SPRED1: variants seen among roughly 807,000 people sequenced by gnomAD.
SPRED1 encodes sprouty related EVH1 domain containing 1.
In SPRED1, 18 loss-of-function variants were observed where a neutral mutation model predicts 52.3. The ratio of observed to expected loss-of-function variants is 0.34; its 90% confidence interval spans 0.24 to 0.51. The LOEUF (loss-of-function observed/expected upper bound fraction) is 0.51, where lower values mean the gene tolerates loss of function less well. Ranked by LOEUF, SPRED1 falls within the 20% of genes least tolerant of loss-of-function variation. The pLI is 0.97. For synonymous variants in SPRED1, 155 were observed against 179.7 expected, an observed-to-expected ratio of 0.86 and a Z score of 1.10; for missense variants, 485 against 551.0, an observed-to-expected ratio of 0.88 and a Z score of 1.20.
chr15:38,344,672 C>T lies in SPRED1; in HGVS notation c.583-4750C>T, dbSNP rs796958328. Among the ~76,000 whole-genome samples the T allele has an allele frequency of 3.1e-4, 47 of 152,164 alleles. 2 individuals are homozygous for T. The highest frequency in any genetic ancestry group is 1.1e-3 in the African/African-American group (46 of 41,540). On this transcript the variant is annotated intron_variant, in intron 5 of 6. Transcript: ENST00000299084. ...TAGGTTCTTTGTAGCTTAGTATCCT[C>T]ATCTGTAAATTGGAATAATATCGGT...
At position 38,351,188 on chromosome 15, in the gene SPRED1, A is replaced by G; in HGVS notation, c.859A>G (p.Ser287Gly). Residue 287 changes from serine to glycine, a missense_variant, in exon 7 of 7, where the codon AGT (serine) becomes GGT (glycine). Around this residue, in one of 5 missense-constraint regions of SPRED1, gnomAD observed 205 missense variants for 245.2 expected, o/e 0.84. Coordinates refer to ENST00000299084, the MANE Select transcript of SPRED1 (RefSeq NM_152594.3). ...DSSIQFSKPD[S>G]KKSDYLYSCG... ...CAGTATTCAGTTTTCTAAACCAGAC[A>G]GTAAAAAATCAGACTATCTGTACTC... 1.9e-6 allele frequency: 3 copies of G among 1,614,188 alleles called. No individual in the cohort carries two copies. Among genetic ancestry groups the G allele is most frequent in the South Asian group, 2.2e-5 (2 of 91,090 alleles).
chr15:38,337,343 T>C (rs1895943133), intron 4 of SPRED1, among the ~76,000 whole-genome samples: 1 of 152,222 alleles, frequency 6.6e-6, no homozygotes, highest in Admixed American at 6.5e-5. Context: ...TCATGAATAA[T>C]ATATACTTCA....
At chr15:38,310,153 G>GTGTGTT (rs373463622) in intron 2 of SPRED1, among the ~76,000 whole-genome samples, 2,260 of 132,226 alleles carry the variant, frequency 0.017, 65 homozygotes, top group East Asian at 0.073. Context: ...GTGTGTGTGT[G>GTGTGTT]TTTGGAGACG....
chr15:38,353,329 C>G lies in SPRED1; in HGVS notation c.*1665C>G, dbSNP rs986909893. 1 of 151,848 alleles carries G rather than the reference C, an allele frequency of 6.6e-6. No homozygotes were observed. Among genetic ancestry groups the G allele is most frequent in the East Asian group, 1.9e-4 (1 of 5,198 alleles). The allele number at this position is 151,848 out of a possible 1,614,324, so 9.4% of individuals were successfully genotyped here. ...GAACAATGTATATAACACTATCTGT[C>G]TGTAAAATACTTTTTTTAAGAAAGC... On this transcript the variant is annotated 3_prime_UTR_variant, in exon 7 of 7. Coordinates refer to ENST00000299084, the MANE Select transcript of SPRED1 (RefSeq NM_152594.3).
chr15:38,271,053 A>G lies in SPRED1; in HGVS notation c.32+17836A>G, dbSNP rs58047004. On this transcript the variant is annotated intron_variant, in intron 1 of 6. Transcript: ENST00000299084. ...TTTTAAAGATAAATATTATATAAAA[A>G]TGATTCTTCTGGTGATATGAGAATT... Among the ~76,000 whole-genome samples the G allele has an allele frequency of 4.1e-3, 621 of 152,288 alleles. 4 individuals are homozygous for G. Among genetic ancestry groups the G allele is most frequent in the African/African-American group, 0.014 (602 of 41,562 alleles).
In SPRED1 at chr15:38,356,404, A is replaced by G. The variant is rs1888622306; in HGVS notation, c.*4740A>G. The G allele has an allele frequency of 6.6e-6, 1 of 152,078 alleles. No homozygotes were observed. The highest frequency in any genetic ancestry group is 6.5e-5 in the Admixed American group (1 of 15,274). The allele number at this position is 152,078 out of a possible 1,614,324, so 9.4% of individuals were successfully genotyped here. On this transcript the variant is annotated 3_prime_UTR_variant, in exon 7 of 7. Transcript: ENST00000299084. ...GATGATTATCATAAGAATTTGTTTT[A>G]ATGGTTTTTTTCCCTCCTGGAATTA...
At chr15:38,277,862 G>T (rs1186195312) in intron 1 of SPRED1, among the ~76,000 whole-genome samples, 2 of 151,500 alleles carry the variant, frequency 1.3e-5, no homozygotes, top group Non-Finnish European at 2.9e-5. Context: ...CTAATGATTA[G>T]TGATGTTGAG....
intron 6 of SPRED1, 74 bp from the exon 7 acceptor site, chr15:38,350,940 C>G (rs1455172557): frequency 1.4e-6 from 2 of 1,393,168 alleles, no homozygotes; most frequent in East Asian, 2.4e-5. Context: ...TATCTGGACA[C>G]TGGCCCCACC....
intron 1 of SPRED1, among the ~76,000 whole-genome samples, chr15:38,262,207 C>T (rs1566847231): frequency 6.6e-6 from 1 of 152,160 alleles, no homozygotes; most frequent in African/African-American, 2.4e-5. Flanking sequence ...AGTTCAGTGG[C>T]ATTTGAATGA....
intron 1 of SPRED1, among the ~76,000 whole-genome samples, chr15:38,264,285 G>A (rs1192217846): frequency 6.6e-6 from 1 of 152,188 alleles, no homozygotes; most frequent in Non-Finnish European, 1.5e-5. Context: ...AAACTGCACA[G>A]TATTTATACC....
intron 4 of SPRED1, among the ~76,000 whole-genome samples, chr15:38,331,760 C>T (rs1895811783): frequency 6.6e-6 from 1 of 151,960 alleles, no homozygotes; most frequent in African/African-American, 2.4e-5. Flanking sequence ...GAAATGTATC[C>T]TCTGTCTTAA....
At chr15:38,297,111 C>A (rs929503599) in intron 1 of SPRED1, among the ~76,000 whole-genome samples, 3 of 152,152 alleles carry the variant, frequency 2.0e-5, no homozygotes, top group Non-Finnish European at 4.4e-5. Flanking sequence ...ACTTTCAAGC[C>A]TCTAGAACTG....
intron 5 of SPRED1, among the ~76,000 whole-genome samples, chr15:38,340,776 C>G (rs529318456): frequency 6.6e-6 from 1 of 151,954 alleles, no homozygotes; most frequent in African/African-American, 2.4e-5. Flanking sequence ...CCTATCCACC[C>G]GCCTCAGCTT....
At chr15:38,325,612 C>A (rs911050627) in intron 4 of SPRED1, among the ~76,000 whole-genome samples, 4 of 152,100 alleles carry the variant, frequency 2.6e-5, no homozygotes, top group African/African-American at 9.7e-5. Flanking sequence ...TGCCTTTCAA[C>A]TAATTGCGTG....
intron 2 of SPRED1, among the ~76,000 whole-genome samples, chr15:38,312,762 T>TTTCA (rs770972287): frequency 1.1e-4 from 17 of 152,226 alleles, no homozygotes; most frequent in Middle Eastern, 3.4e-3. Context: ...TCACTTAAGT[T>TTTCA]TTCATATTCA....
At chr15:38,268,379 G>A (rs1333252572) in intron 1 of SPRED1, 1 of 152,190 alleles carries the variant, frequency 6.6e-6, no homozygotes, top group Non-Finnish European at 1.5e-5. Flanking sequence ...TTAGAACAGG[G>A]AATTTTTCAA....
intron 1 of SPRED1, among the ~76,000 whole-genome samples, chr15:38,288,495 G>A (rs1894854278): frequency 6.6e-6 from 1 of 152,168 alleles, no homozygotes; most frequent in Non-Finnish European, 1.5e-5. Flanking sequence ...GTGGAGAGAA[G>A]GTGGATGGAT....
intron 4 of SPRED1, among the ~76,000 whole-genome samples, chr15:38,328,659 A>G (rs1271606920): frequency 6.6e-6 from 1 of 152,144 alleles, no homozygotes; most frequent in African/African-American, 2.4e-5. Context: ...TAAGGTGTGA[A>G]TGTTCTTTTC....
chr15:38,284,241 G>T (rs1894754729), intron 1 of SPRED1, among the ~76,000 whole-genome samples: 1 of 152,106 alleles, frequency 6.6e-6, no homozygotes, highest in South Asian at 2.1e-4. Flanking sequence ...CAGTTTCTTA[G>T]TGGTGGGTCC....
Sources: gnomAD v4.1 joint callset for allele counts (sites outside exome capture counted in the v4.1 genomes callset) on GRCh38, gnomAD v4.1.1 for gene constraint, gnomAD v4.1.1 regional missense constraint, MANE v1.5 for transcripts, NCBI Gene and HGNC (gene_info 2026-07-23, HGNC 2026-07-21) for gene names.